The following PTPRD variants were observed in gnomAD, a reference collection of about 807,000 sequenced individuals.
PTPRD encodes the protein protein tyrosine phosphatase receptor type D, also known as receptor-type tyrosine-protein phosphatase delta.
A neutral mutation model predicts 214.5 loss-of-function variants in PTPRD; 34 were observed. The ratio of observed to expected loss-of-function variants is 0.16; its 90% CI spans 0.12 to 0.21. The LOEUF (loss-of-function observed/expected upper bound fraction) is 0.21, where lower values mean the gene tolerates loss of function less well. PTPRD is among the 10% of genes least tolerant of loss of function. The pLI is 1.00. For synonymous variants in PTPRD, 1,128 were observed against 845.7 expected (o/e 1.33, Z -5.79); for missense variants, 2,545 against 2,398.7 (o/e 1.06, Z -1.27).
intron 24 of PTPRD, 52 bp from the exon 25 acceptor site, chr9:8,499,892 T>G (rs777894168): frequency 6.8e-7 from 1 of 1,466,000 alleles, no homozygotes; most frequent in African/African-American, 1.4e-5. Context: ...TCCCACCCTA[T>G]CAGAGCATTT....
intron 5 of PTPRD, among the ~76,000 whole-genome samples, chr9:9,768,934 G>A (rs948236845): frequency 6.6e-6 from 1 of 152,098 alleles, no homozygotes; most frequent in Non-Finnish European, 1.5e-5. Flanking sequence ...AATAGCTTCG[G>A]CATTATAATC....
intron 2 of PTPRD, among the ~76,000 whole-genome samples, chr9:10,513,174 G>C (rs1589818925): frequency 6.6e-6 from 1 of 151,674 alleles, no homozygotes; most frequent in Non-Finnish European, 1.5e-5. Flanking sequence ...TTTTATGATT[G>C]TGTGTGTATG....
At chr9:9,354,584 C>T (rs1013238316) in intron 9 of PTPRD, among the ~76,000 whole-genome samples, 11 of 151,726 alleles carry the variant, frequency 7.2e-5, no homozygotes, top group African/African-American at 1.9e-4. Context: ...ACAAAGTTTC[C>T]TTCCCCTGTA....
At chr9:9,692,895 T>C (rs1427503796) in intron 7 of PTPRD, among the ~76,000 whole-genome samples, 2 of 151,956 alleles carry the variant, frequency 1.3e-5, no homozygotes, top group Non-Finnish European at 2.9e-5. Context: ...CTATTGTAAA[T>C]GAGATTAATT....
At chr9:9,968,732 A>G (rs144001086) in intron 4 of PTPRD, among the ~76,000 whole-genome samples, 125 of 152,284 alleles carry the variant, frequency 8.2e-4, no homozygotes, top group African/African-American at 2.8e-3. Flanking sequence ...CACAGAAACA[A>G]CAACAACAAC....
intron 9 of PTPRD, among the ~76,000 whole-genome samples, chr9:9,314,290 A>G (rs1961183275): frequency 6.6e-6 from 1 of 152,160 alleles, no homozygotes; most frequent in Non-Finnish European, 1.5e-5. Flanking sequence ...CAAAATTTGT[A>G]TTCTGAGTTC....
intron 44 of PTPRD, among the ~76,000 whole-genome samples, chr9:8,323,631 G>T (rs1013395671): frequency 6.6e-6 from 1 of 152,172 alleles, no homozygotes; most frequent in Non-Finnish European, 1.5e-5. Context: ...AGAACTAGAA[G>T]TGGAGCCAGG....
chr9:10,301,002 C>T (rs755569109), intron 3 of PTPRD, among the ~76,000 whole-genome samples: 1 of 152,086 alleles, frequency 6.6e-6, no homozygotes, highest in Non-Finnish European at 1.5e-5. Context: ...TGACAGACAC[C>T]TCATACAGGA....
At chr9:9,569,080 C>T (rs1207809026) in intron 8 of PTPRD, among the ~76,000 whole-genome samples, 2 of 151,674 alleles carry the variant, frequency 1.3e-5, no homozygotes. Flanking sequence ...GGCCATTATA[C>T]AGAGTTTAAA....
chr9:9,778,099 T>G (rs577929442), intron 5 of PTPRD, among the ~76,000 whole-genome samples: 1 of 152,236 alleles, frequency 6.6e-6, no homozygotes, highest in African/African-American at 2.4e-5. Flanking sequence ...ATCCAGTTAT[T>G]GACTAAACTA....
chr9:9,303,976 T>G (rs372604822), intron 9 of PTPRD, among the ~76,000 whole-genome samples: 1 of 152,160 alleles, frequency 6.6e-6, no homozygotes, highest in Non-Finnish European at 1.5e-5. Flanking sequence ...GTAACATTTG[T>G]TCCTACTTCT....
intron 3 of PTPRD, among the ~76,000 whole-genome samples, chr9:10,212,719 T>G (rs1471694356): frequency 1.3e-5 from 2 of 152,144 alleles, no homozygotes; most frequent in Admixed American, 6.6e-5. Flanking sequence ...TTCAAAAAAT[T>G]TTACAATCTT....
intron 8 of PTPRD, among the ~76,000 whole-genome samples, chr9:9,411,816 G>T (rs2075528756): frequency 6.6e-6 from 1 of 152,160 alleles, no homozygotes; most frequent in South Asian, 2.1e-4. Flanking sequence ...AAGATCCCTA[G>T]GGAATAAATG....
intron 11 of PTPRD, among the ~76,000 whole-genome samples, chr9:8,768,274 C>T (rs536686994): frequency 6.6e-6 from 1 of 152,176 alleles, no homozygotes; most frequent in African/African-American, 2.4e-5. Flanking sequence ...TATAATGGTA[C>T]GTGCCTATAG....
intron 3 of PTPRD, among the ~76,000 whole-genome samples, chr9:10,054,157 T>C (rs930949620): frequency 9.9e-5 from 15 of 152,214 alleles, no homozygotes; most frequent in Admixed American, 2.6e-4. Context: ...GTCAGAATCA[T>C]AACAAAAAAT....
chr9:9,743,770 A>ACACACACAC (rs371763537), intron 6 of PTPRD, among the ~76,000 whole-genome samples: 10 of 145,344 alleles, frequency 6.9e-5, no homozygotes, highest in East Asian at 2.0e-4. Context: ...ACACACACAC[A>ACACACACAC]ATTTATACTG....
intron 9 of PTPRD, among the ~76,000 whole-genome samples, chr9:9,190,506 C>T (rs1237388176): frequency 6.6e-6 from 1 of 152,012 alleles, no homozygotes; most frequent in African/African-American, 2.4e-5. Context: ...TGAGGCCCCC[C>T]CAGCCATTCT....
At chr9:8,416,418 C>A (rs900200991) in intron 35 of PTPRD, among the ~76,000 whole-genome samples, 5 of 152,084 alleles carry the variant, frequency 3.3e-5, no homozygotes, top group Non-Finnish European at 7.4e-5. Context: ...TATCCATGTT[C>A]TTTAATTTTT....
intron 7 of PTPRD, among the ~76,000 whole-genome samples, chr9:9,638,494 T>C (rs1564222885): frequency 6.6e-6 from 1 of 152,212 alleles, no homozygotes; most frequent in Non-Finnish European, 1.5e-5. Flanking sequence ...AAGTCTTCAC[T>C]GACATGATCA....
Sources: allele counts gnomAD v4.1 joint callset (sites outside exome capture counted in the v4.1 genomes callset), GRCh38; gene constraint gnomAD v4.1.1; transcripts MANE v1.5; gene names NCBI Gene and HGNC (gene_info 2026-07-23, HGNC 2026-07-21).